Variants in TMEM116 observed in about 807,000 individuals in gnomAD.
The protein encoded by TMEM116 is transmembrane protein 116.
A neutral mutation model predicts 44.3 loss-of-function variants in TMEM116; 38 were observed. That is an observed-to-expected ratio of 0.86 (90% CI 0.66 to 1.12). The LOEUF (loss-of-function observed/expected upper bound fraction) is 1.12, where lower values mean the gene tolerates loss of function less well. Ranked by LOEUF, TMEM116 falls within the 50% of genes most tolerant of loss-of-function variation. TMEM116 has a pLI of 0.00. For synonymous variants in TMEM116, 132 were observed against 144.8 expected, an observed-to-expected ratio of 0.91 and a Z score of 0.64; for missense variants, 354 against 401.7, an observed-to-expected ratio of 0.88 and a Z score of 1.01.
Position 111,978,185 on chromosome 12 carries a change from A to T in TMEM116, c.210+13573T>A, listed in dbSNP as rs4767248. 0.055 allele frequency among the ~76,000 whole-genome samples: 8,363 copies of T among 151,852 alleles called. 1,279 individuals are homozygous for T. The East Asian group carries it at 0.61, about 11-fold the overall frequency. On this transcript the variant is annotated intron_variant, in intron 4 of 10. Coordinates refer to ENST00000552374, the MANE Select transcript of TMEM116 (RefSeq NM_001193531.2). ...GGGAGGCCGAGGTGGGCAGATCACG[A>T]GGTCAGGAGTTCGAGACCAGCCTGA...
chr12:111,972,275 C>T (rs999663497), intron 4 of TMEM116, among the ~76,000 whole-genome samples: 5 of 151,974 alleles, frequency 3.3e-5, no homozygotes, highest in African/African-American at 1.2e-4. Flanking sequence ...AATGGTGTCA[C>T]TTAATCAAGA....
At chr12:111,974,470 TA>T in intron 4 of TMEM116, among the ~76,000 whole-genome samples, 1 of 151,812 alleles carries the variant, frequency 6.6e-6, no homozygotes, top group Non-Finnish European at 1.5e-5. Flanking sequence ...GCCAACATGG[TA>T]AAACCCTGTC....
At chr12:111,956,148 T>C (rs962090287) in intron 4 of TMEM116, among the ~76,000 whole-genome samples, 7 of 152,244 alleles carry the variant, frequency 4.6e-5, no homozygotes, top group African/African-American at 1.7e-4. Flanking sequence ...GCTCCAGCTG[T>C]ACTGATCCAG....
chr12:111,936,827 A>G lies in TMEM116; in HGVS notation c.453T>C (p.Cys151=), dbSNP rs1022552267. 6.3e-7 allele frequency: 1 copy of G among 1,593,300 alleles called. No individual in the cohort carries two copies. Among genetic ancestry groups the G allele is most frequent in the Non-Finnish European group, 8.5e-7 (1 of 1,171,452 alleles). Residue 151 remains cysteine (C), a synonymous_variant, in exon 8 of 11, where the codon TGT becomes TGC. Transcript: ENST00000552374. ...CFQNFSQSHK[C]ILMHSPPSAM... ...CTGATGGTGGTGAGTGCATCAAGATACACCTAGGAAGAAAATCAATAAACA... is the reference window on the plus strand; with the variant it reads ...CTGATGGTGGTGAGTGCATCAAGATGCACCTAGGAAGAAAATCAATAAACA...
intron 4 of TMEM116, among the ~76,000 whole-genome samples, chr12:111,979,853 C>T (rs990831531): frequency 2.0e-5 from 3 of 152,144 alleles, no homozygotes; most frequent in Non-Finnish European, 2.9e-5. Context: ...CATTATATGT[C>T]ATTAGAGAGC....
At chr12:111,951,398 A>G (rs1006048638) in intron 4 of TMEM116, among the ~76,000 whole-genome samples, 1 of 152,246 alleles carries the variant, frequency 6.6e-6, no homozygotes, top group African/African-American at 2.4e-5. Context: ...TCACAATAGC[A>G]AAGACATAGA....
chr12:111,931,601 G>A lies in TMEM116; in HGVS notation c.*20C>T, dbSNP rs1465869040. 2 of 1,605,522 alleles carry A rather than the reference G, an allele frequency of 1.2e-6. No individual in the cohort carries two copies. Among genetic ancestry groups the A allele is most frequent in the Admixed American group, 1.7e-5 (1 of 59,988 alleles). The stretch of plus-strand genomic sequence containing the variant: ...TAGCGTAGAATAACTCCAGTTCCTG[G>A]ATGTTCCAGTATTGTAGTTTCAAAA... On this transcript the variant is annotated 3_prime_UTR_variant, in exon 11 of 11. Transcript: ENST00000552374.
intron 1 of TMEM116, among the ~76,000 whole-genome samples, chr12:112,006,453 A>G (rs1008686663): frequency 6.6e-6 from 1 of 152,216 alleles, no homozygotes; most frequent in Admixed American, 6.5e-5. Context: ...GAAAAGAGAG[A>G]TTGCATATTC....
intron 4 of TMEM116, among the ~76,000 whole-genome samples, chr12:111,955,123 T>C (rs1197974829): frequency 1.3e-5 from 2 of 152,330 alleles, no homozygotes; most frequent in Middle Eastern, 3.4e-3. Context: ...CTTTTAATCA[T>C]CTGCCCACAA....
At chr12:112,011,677 C>T (rs1378305745) in intron 1 of TMEM116, 8 of 152,252 alleles carry the variant, frequency 5.3e-5, no homozygotes, top group Non-Finnish European at 1.2e-4. Context: ...TTCTCAATTC[C>T]AATCCATTTC....
chr12:111,952,739 TGAATGTCA>T (rs1297301226), intron 4 of TMEM116, among the ~76,000 whole-genome samples: 1 of 152,204 alleles, frequency 6.6e-6, no homozygotes, highest in Non-Finnish European at 1.5e-5. Context: ...TTCCTCTTCT[TGAATGTCA>T]GACTCCAAGT....
chr12:111,954,072 G>GAA (rs77204391), intron 4 of TMEM116, among the ~76,000 whole-genome samples: 8 of 151,942 alleles, frequency 5.3e-5, no homozygotes, highest in Admixed American at 2.6e-4. Flanking sequence ...CAATAAAGCT[G>GAA]AAAAAATCTA....
At chr12:111,964,378 G>T (rs189257822) in intron 4 of TMEM116, among the ~76,000 whole-genome samples, 1 of 150,992 alleles carries the variant, frequency 6.6e-6, no homozygotes, top group Non-Finnish European at 1.5e-5. Flanking sequence ...GGAGATGGAG[G>T]TTGCAGTGAG....
intron 1 of TMEM116, among the ~76,000 whole-genome samples, chr12:112,009,784 T>C (rs889282383): frequency 9.3e-5 from 14 of 150,974 alleles, no homozygotes; most frequent in African/African-American, 3.4e-4. Flanking sequence ...AGGTGGAGGT[T>C]GCAGTGAGCT....
At chr12:111,956,695 G>A (rs1287056452) in intron 4 of TMEM116, among the ~76,000 whole-genome samples, 2 of 152,162 alleles carry the variant, frequency 1.3e-5, no homozygotes, top group African/African-American at 2.4e-5. Flanking sequence ...CGTATTTTTT[G>A]GTGGAGACGG....
At chr12:111,997,743 A>G (rs2077008881) in intron 3 of TMEM116, among the ~76,000 whole-genome samples, 1 of 152,222 alleles carries the variant, frequency 6.6e-6, no homozygotes, top group Non-Finnish European at 1.5e-5. Flanking sequence ...GCTAATTAAT[A>G]TCTTGTTAAT....
At chr12:111,993,998 G>T in intron 3 of TMEM116, 1 of 574,036 alleles carries the variant, frequency 1.7e-6, no homozygotes. Context: ...GTCTACTTCA[G>T]CCTCCCTTGC....
rs1261209060 is a variant in TMEM116, at chr12:111,974,664, AAAAAG to A, written c.210+17089_210+17093del. 4.8e-3 allele frequency among the ~76,000 whole-genome samples: 730 copies of A among 151,086 alleles called. 3 individuals carry two copies. The highest frequency in any genetic ancestry group is 5.7e-3 in the Non-Finnish European group (388 of 67,776). ...AGTGAGACTCTGTCGCAAAAAAAAA[AAAAAG>A]AAAAGAAAAGAAATAAAAGGCATCC... On this transcript the variant is annotated intron_variant, in intron 4 of 10. Coordinates refer to ENST00000552374, the MANE Select transcript of TMEM116 (RefSeq NM_001193531.2).
chr12:112,005,582 C>G (rs367706789), intron 1 of TMEM116: 13 of 559,640 alleles, frequency 2.3e-5, no homozygotes, highest in African/African-American at 1.2e-4. Flanking sequence ...GGGAAACTAG[C>G]CAGGCACTGA....
Sources: allele counts gnomAD v4.1 joint callset (sites outside exome capture counted in the v4.1 genomes callset), GRCh38; gene constraint gnomAD v4.1.1; transcripts MANE v1.5; gene names NCBI Gene and HGNC (gene_info 2026-07-23, HGNC 2026-07-21).